Variants in DOCK9 observed in about 807,000 individuals in gnomAD.
DOCK9 encodes the protein dedicator of cytokinesis protein 9.
DOCK9 carries 89 observed loss-of-function variants against 263.3 expected under a neutral mutation model. The ratio of observed to expected loss-of-function variants is 0.34; its 90% CI spans 0.28 to 0.40. The LOEUF (loss-of-function observed/expected upper bound fraction) is 0.40, where lower values mean the gene tolerates loss of function less well. Among genes scored for constraint, DOCK9 ranks in the 10% least tolerant of loss-of-function variants. The pLI is 1.00. For synonymous variants in DOCK9, 976 were observed against 973.1 expected (o/e 1.00, Z -0.06); for missense variants, 2,140 against 2,603.4 (o/e 0.82, Z 3.87).
intron 27 of DOCK9, among the ~76,000 whole-genome samples, chr13:98,874,376 T>G (rs1175597420): frequency 1.3e-5 from 2 of 152,264 alleles, no homozygotes. Flanking sequence ...CCACAATTTG[T>G]GTATCCATTT....
chr13:98,915,201 TA>T, intron 8 of DOCK9, 127 bp downstream of exon 8: 1 of 829,556 alleles, frequency 1.2e-6, no homozygotes, highest in Non-Finnish European at 1.8e-6. Context: ...AGGATATTTG[TA>T]AAGAGCTCCT....
At chr13:98,931,743 G>A (rs951473476) in intron 2 of DOCK9, among the ~76,000 whole-genome samples, 4 of 152,028 alleles carry the variant, frequency 2.6e-5, no homozygotes, top group African/African-American at 4.8e-5. Flanking sequence ...GACTACAGGC[G>A]GGCGCCACCA....
Position 98,797,471 on chromosome 13 carries a change from C to T in DOCK9, c.5935G>A (p.Ala1979Thr). Reference sequence around the variant, plus strand: ...TCATCTAAGAAAGCTCGCGCATATGCTAGTGGGCCAGCATTGACCTAGACA... The same window carrying T: ...TCATCTAAGAAAGCTCGCGCATATGTTAGTGGGCCAGCATTGACCTAGACA... ...VSVQVNAGPL[A>T]YARAFLDDTN... Residue 1979 changes from alanine to threonine, a missense_variant, in exon 51 of 53, where the codon GCA becomes ACA. Ala to Thr is a moderately conservative substitution (Grantham distance 58). Around this residue, in one of 2 missense-constraint regions of DOCK9, gnomAD observed 619 missense variants for 861.8 expected, o/e 0.72. Transcript: ENST00000682017. 1 of 1,611,948 alleles carries T rather than the reference C, an allele frequency of 6.2e-7. No homozygotes were observed. The highest frequency in any genetic ancestry group is 8.5e-7 in the Non-Finnish European group (1 of 1,178,980).
chr13:99,027,170 C>T (rs1386678803), intron 1 of DOCK9, among the ~76,000 whole-genome samples: 2 of 152,242 alleles, frequency 1.3e-5, no homozygotes, highest in South Asian at 4.2e-4. Flanking sequence ...CAGGTGCCCG[C>T]CACCATGCCC....
At chr13:98,983,108 T>C (rs970611246) in intron 1 of DOCK9, among the ~76,000 whole-genome samples, 90 of 152,292 alleles carry the variant, frequency 5.9e-4, no homozygotes, top group African/African-American at 2.1e-3. Context: ...AGGATACTTA[T>C]AACAAAGGCA....
intron 21 of DOCK9, among the ~76,000 whole-genome samples, chr13:98,884,254 A>G (rs2045326290): frequency 6.6e-6 from 1 of 152,276 alleles, no homozygotes; most frequent in Non-Finnish European, 1.5e-5. Flanking sequence ...TAAAGCAAAC[A>G]GCATAATATG....
intron 27 of DOCK9, among the ~76,000 whole-genome samples, chr13:98,872,770 A>G (rs566174516): frequency 3.9e-5 from 6 of 152,222 alleles, no homozygotes; most frequent in African/African-American, 1.4e-4. Flanking sequence ...TCTCTCTATA[A>G]TCTGCATGTT....
chr13:98,869,903 C>T (rs548313379), intron 27 of DOCK9, among the ~76,000 whole-genome samples: 10 of 152,332 alleles, frequency 6.6e-5, no homozygotes, highest in South Asian at 2.1e-4. Flanking sequence ...TTCTCAGCCA[C>T]GTGGATGAGG....
At chr13:98,957,281 T>C (rs1688346748) in intron 1 of DOCK9, among the ~76,000 whole-genome samples, 1 of 152,212 alleles carries the variant, frequency 6.6e-6, no homozygotes, top group Admixed American at 6.5e-5. Flanking sequence ...CCTACTGTGT[T>C]CAGCTGCTGA....
At position 98,829,885 on chromosome 13, in the gene DOCK9, G is replaced by T. The variant is rs1415165503; in HGVS notation, c.4636-129C>A. 1.0e-5 allele frequency: 7 copies of T among 687,198 alleles called. No individual in the cohort carries two copies. Among genetic ancestry groups the T allele is most frequent in the Non-Finnish European group, 1.8e-5 (7 of 387,366 alleles). 42.6% of individuals were successfully genotyped at this position (687,198 alleles called of 1,614,324 possible). ...GGGTTGGGGGGTGCTTTGAGCAGGG[G>T]TCGCTCCGTGTAGGAAACAATGTCT... On this transcript the variant is annotated intron_variant, in intron 41 of 52. Coordinates refer to ENST00000682017, the MANE Select transcript of DOCK9 (RefSeq NM_001366683.2). This position sits in a 1 kb window ranked among gnomAD's most constrained non-coding sequence, Gnocchi z 4.1.
intron 33 of DOCK9, chr13:98,859,385 A>G (rs2093789969): frequency 6.6e-6 from 1 of 152,160 alleles, no homozygotes; most frequent in Admixed American, 6.5e-5. Flanking sequence ...CATAAATATC[A>G]ACCAGGTTAA....
At chr13:98,980,885 A>G (rs1351616174), upstream of DOCK9, among the ~76,000 whole-genome samples, 1 of 151,894 alleles carries the variant, frequency 6.6e-6, no homozygotes, top group Non-Finnish European at 1.5e-5. Flanking sequence ...GTTTTTCTAT[A>G]TTTTTCAAAA....
chr13:98,845,333 G>C (rs775277989), intron 38 of DOCK9: 4 of 1,361,440 alleles, frequency 2.9e-6, no homozygotes, highest in Non-Finnish European at 3.9e-6. Flanking sequence ...TCTTACCATT[G>C]TCTACAGAAA....
At chr13:98,953,046 T>G (rs1383190977) in intron 2 of DOCK9, among the ~76,000 whole-genome samples, 1 of 152,242 alleles carries the variant, frequency 6.6e-6, no homozygotes, top group African/African-American at 2.4e-5. Context: ...TCTGTGGCAC[T>G]GTTAAGACCT....
At chr13:99,014,639 T>C (rs1269064910) in intron 1 of DOCK9, among the ~76,000 whole-genome samples, 1 of 152,212 alleles carries the variant, frequency 6.6e-6, no homozygotes, top group Admixed American at 6.5e-5. Flanking sequence ...ACCAAGCAGC[T>C]GCTGGCAAGA....
At chr13:98,926,635 A>G (rs1445131290) in intron 3 of DOCK9, among the ~76,000 whole-genome samples, 1 of 152,230 alleles carries the variant, frequency 6.6e-6, no homozygotes, top group Non-Finnish European at 1.5e-5. Context: ...TAGTGCATAA[A>G]GCCTAAGATT....
At chr13:98,843,951 C>T (rs1462154434) in intron 38 of DOCK9, among the ~76,000 whole-genome samples, 1 of 152,170 alleles carries the variant, frequency 6.6e-6, no homozygotes, top group Non-Finnish European at 1.5e-5. Context: ...GGAGGTGCAG[C>T]ACTGGTGTAC....
intron 1 of DOCK9, among the ~76,000 whole-genome samples, chr13:99,021,595 C>T (rs1449025501): frequency 6.9e-5 from 10 of 144,796 alleles, no homozygotes; most frequent in Non-Finnish European, 1.3e-4. Flanking sequence ...GCCGAGATCG[C>T]GCTACTGCAC....
intron 7 of DOCK9, among the ~76,000 whole-genome samples, chr13:98,920,118 T>C (rs2051677647): frequency 6.6e-6 from 1 of 152,150 alleles, no homozygotes; most frequent in African/African-American, 2.4e-5. Flanking sequence ...TACAGAAGGA[T>C]GCATGCAAAA....
Sources: gnomAD v4.1 joint callset for allele counts (sites outside exome capture counted in the v4.1 genomes callset) on GRCh38, gnomAD v4.1.1 for gene constraint, gnomAD v4.1.1 regional missense constraint, Gnocchi (gnomAD v3.1) non-coding constraint, MANE v1.5 for transcripts, NCBI Gene and HGNC (gene_info 2026-07-23, HGNC 2026-07-21) for gene names.